TRPM3: variants seen among roughly 807,000 people sequenced by gnomAD.
TRPM3 encodes transient receptor potential cation channel subfamily M member 3.
In TRPM3, 77 loss-of-function variants were observed where a neutral mutation model predicts 181.2. The observed-to-expected ratio is 0.42, with a 90% CI of 0.35 to 0.51. The LOEUF (loss-of-function observed/expected upper bound fraction) is 0.51, where lower values mean the gene tolerates loss of function less well. Ranked by LOEUF, TRPM3 falls within the 20% of genes least tolerant of loss-of-function variation. The pLI is 0.01. For synonymous variants in TRPM3, 745 were observed against 796.4 expected (o/e 0.94, Z 1.09); for missense variants, 1,759 against 2,196.7 (o/e 0.80, Z 3.98).
rs1212076968 is a variant in TRPM3, at chr9:70,848,933, C to T, written c.463-2342G>A. On this transcript the variant is annotated intron_variant, in intron 3 of 25. Transcript: ENST00000677713. ...CGGAGCTTGCAGTGAGCCTAGATCG[C>T]GCCACTGCACTCCAGCCTGGGCGAC... Among the ~76,000 whole-genome samples, 18 of 26,698 alleles carry T rather than the reference C, an allele frequency of 6.7e-4. 7 individuals are homozygous for T. The highest frequency in any genetic ancestry group is 2.8e-3 in the African/African-American group (18 of 6,522). 17.5% of individuals were successfully genotyped at this position (26,698 alleles called of 152,430 possible).
At chr9:71,178,320 C>T (rs7020168) in intron 1 of TRPM3, among the ~76,000 whole-genome samples, 69 of 152,000 alleles carry the variant, frequency 4.5e-4, no homozygotes, top group African/African-American at 1.6e-3. Context: ...TAAATATTTT[C>T]CATAGTATAG....
At chr9:71,349,227 C>T (rs532377755) in intron 1 of TRPM3, among the ~76,000 whole-genome samples, 2 of 152,330 alleles carry the variant, frequency 1.3e-5, no homozygotes, top group South Asian at 4.1e-4. Flanking sequence ...TACCTCTCTA[C>T]TATCCAAGAA....
At chr9:71,139,923 C>T (rs1345497987) in intron 1 of TRPM3, among the ~76,000 whole-genome samples, 1 of 152,110 alleles carries the variant, frequency 6.6e-6, no homozygotes, top group Non-Finnish European at 1.5e-5. Context: ...AAAGAGCTTC[C>T]CTTCCTGAAA....
In TRPM3 at chr9:70,667,993, A is replaced by C. The variant is rs1175413092; in HGVS notation, c.1345+13513T>G. Among the ~76,000 whole-genome samples the C allele has an allele frequency of 4.6e-5, 7 of 152,348 alleles. No individual in the cohort carries two copies. The East Asian group carries it at 1.3e-3, about 29-fold the overall frequency. ...TAATCCTTTTAATATAAAACTGGTC[A>C]TGCTTGTTTGGAGGGGTCCAGAAGA... On this transcript the variant is annotated intron_variant, in intron 9 of 25. Coordinates refer to ENST00000677713, the MANE Select transcript of TRPM3 (RefSeq NM_001366145.2).
intron 1 of TRPM3, among the ~76,000 whole-genome samples, chr9:71,008,500 C>T (rs1241922056): frequency 3.9e-5 from 6 of 152,000 alleles, no homozygotes; most frequent in African/African-American, 1.2e-4. Flanking sequence ...AACATAGATG[C>T]AAAAATCTTC....
intron 7 of TRPM3, among the ~76,000 whole-genome samples, chr9:70,777,336 G>A (rs1482068861): frequency 1.3e-5 from 2 of 152,130 alleles, no homozygotes; most frequent in Non-Finnish European, 2.9e-5. Context: ...GCACTGATGA[G>A]CCAATTTAGA....
At chr9:70,752,045 T>C (rs1433457973) in intron 8 of TRPM3, among the ~76,000 whole-genome samples, 145 of 102,518 alleles carry the variant, frequency 1.4e-3, no homozygotes, top group Admixed American at 2.5e-3. Context: ...TGTGTGTGTG[T>C]GTGTGCGCGC....
intron 1 of TRPM3, among the ~76,000 whole-genome samples, chr9:71,086,502 T>A (rs764978747): frequency 9.9e-5 from 15 of 152,100 alleles, no homozygotes; most frequent in Admixed American, 6.6e-4. Flanking sequence ...GCTGAAGATG[T>A]CTTTTTCTCC....
intron 1 of TRPM3, among the ~76,000 whole-genome samples, chr9:71,407,659 G>A (rs928497081): frequency 2.0e-5 from 3 of 152,194 alleles, no homozygotes; most frequent in African/African-American, 4.8e-5. Context: ...GGGCATAGCT[G>A]AACAAAAGGC....
intron 6 of TRPM3, among the ~76,000 whole-genome samples, chr9:70,822,784 TG>T (rs1324150033): frequency 6.6e-6 from 1 of 151,884 alleles, no homozygotes; most frequent in Non-Finnish European, 1.5e-5. Context: ...TGTGTGTGTG[TG>T]TGTGTGTGTG....
At position 71,404,982 on chromosome 9, in the gene TRPM3, C is replaced by G. The variant is rs71505938; in HGVS notation, c.183+41671G>C. On this transcript the variant is annotated intron_variant, in intron 1 of 24. Transcript: ENST00000357533. ...AGGAAGCATTGGTCCATGACCCCTT[C>G]GGCTCCTGCAGTACTTTATACATAG... Among the ~76,000 whole-genome samples the G allele has an allele frequency of 3.9e-5, 6 of 152,280 alleles. 1 individual carries two copies. The highest frequency in any genetic ancestry group is 3.3e-4 in the Admixed American group (5 of 15,276).
chr9:70,773,727 A>G (rs2080805044), intron 7 of TRPM3, among the ~76,000 whole-genome samples: 2 of 152,164 alleles, frequency 1.3e-5, no homozygotes, highest in South Asian at 4.1e-4. Flanking sequence ...CTCGTTCTTC[A>G]TCTCCTGTGT....
At chr9:71,210,091 T>A (rs990649751) in intron 1 of TRPM3, among the ~76,000 whole-genome samples, 13 of 152,166 alleles carry the variant, frequency 8.5e-5, no homozygotes, top group African/African-American at 3.1e-4. Flanking sequence ...TCACCCGTAT[T>A]TACAGCCACT....
intron 22 of TRPM3, among the ~76,000 whole-genome samples, chr9:70,589,221 G>C (rs987491301): frequency 9.9e-5 from 15 of 152,156 alleles, no homozygotes; most frequent in African/African-American, 3.1e-4. Flanking sequence ...ACTACAATCA[G>C]CCCTTCTTTT....
chr9:71,391,390 A>G (rs2093058913), intron 1 of TRPM3, among the ~76,000 whole-genome samples: 1 of 152,068 alleles, frequency 6.6e-6, no homozygotes, highest in Non-Finnish European at 1.5e-5. Context: ...CTTTCTTTCT[A>G]TGAAAAAATC....
chr9:70,995,982 T>A (rs975462074), intron 1 of TRPM3, among the ~76,000 whole-genome samples: 31 of 152,224 alleles, frequency 2.0e-4, no homozygotes, highest in African/African-American at 7.5e-4. Flanking sequence ...TAATGTGGAA[T>A]GCATTTTTGA....
intron 22 of TRPM3, among the ~76,000 whole-genome samples, chr9:70,561,926 A>G (rs1456395497): frequency 3.3e-5 from 5 of 152,206 alleles, no homozygotes; most frequent in African/African-American, 1.2e-4. Flanking sequence ...TAGTTTAAGC[A>G]TACTATTCTT....
chr9:70,628,637 C>A (rs2065099053), intron 12 of TRPM3, among the ~76,000 whole-genome samples: 1 of 151,868 alleles, frequency 6.6e-6, no homozygotes, highest in Admixed American at 6.6e-5. Context: ...GCCTGGGCAA[C>A]ATGGTGAAAC....
intron 8 of TRPM3, among the ~76,000 whole-genome samples, chr9:70,690,063 T>A (rs1385681869): frequency 6.6e-6 from 1 of 152,076 alleles, no homozygotes; most frequent in Non-Finnish European, 1.5e-5. Flanking sequence ...AAAATAGAGA[T>A]GAAGATGTAG....
Sources: allele counts gnomAD v4.1 joint callset (sites outside exome capture counted in the v4.1 genomes callset), GRCh38; gene constraint gnomAD v4.1.1; transcripts MANE v1.5; gene names NCBI Gene and HGNC (gene_info 2026-07-23, HGNC 2026-07-21).